The following ZNF486 variants were observed in gnomAD, a reference collection of about 807,000 sequenced individuals.
ZNF486 encodes zinc finger protein 486.
ZNF486 carries 12 observed loss-of-function variants against 12.8 expected under a neutral mutation model. The ratio of observed to expected loss-of-function variants is 0.94; its 90% CI spans 0.60 to 1.52. The LOEUF (loss-of-function observed/expected upper bound fraction) is 1.52, where lower values mean the gene tolerates loss of function less well. Ranked by LOEUF, ZNF486 falls within the 40% of genes most tolerant of loss-of-function variation. The pLI, the probability that ZNF486 is intolerant of heterozygous loss-of-function variation, is 0.00. For synonymous variants in ZNF486, 231 were observed against 184.9 expected, an observed-to-expected ratio of 1.25 and a Z score of -2.02; for missense variants, 738 against 545.0, an observed-to-expected ratio of 1.35 and a Z score of -3.53.
At chr19:20,186,175 G>T in intron 3 of ZNF486, 93 bp downstream of exon 3, 1 of 868,060 alleles carries the variant, frequency 1.2e-6, no homozygotes, top group Non-Finnish European at 1.7e-6. Flanking sequence ...GATCTGGGAA[G>T]CTGTGTTCCA....
intron 3 of ZNF486, among the ~76,000 whole-genome samples, chr19:20,191,771 A>G (rs939800198): frequency 4.6e-5 from 7 of 152,310 alleles, no homozygotes; most frequent in African/African-American, 1.7e-4. Context: ...CTCTGTCTCA[A>G]AAACAAAGAA....
In ZNF486 at chr19:20,198,610, C is replaced by T. The variant is rs1555718478; in HGVS notation, c.*508C>T. ...TGATCTTGGCTTACTGTGACCTCTG[C>T]CTCCTGGGTTCAAGCCATTCTCCTG... On this transcript the variant is annotated 3_prime_UTR_variant, in exon 4 of 4. Transcript: ENST00000335117. 2 of 156,634 alleles carry T rather than the reference C, an allele frequency of 1.3e-5. No homozygotes were observed. The allele number at this position is 156,634 out of a possible 1,614,324, so 9.7% of individuals were successfully genotyped here.
Position 20,197,989 on chromosome 19 carries a change from A to G in ZNF486, c.1279A>G (p.Thr427Ala). The stretch of plus-strand genomic sequence containing the variant: ...CTCAAATCTAACTGAACATAAGACA[A>G]CTCATACTGGAGAGAAACCTTACAA... ...TSSNLTEHKT[T>A]HTGEKPYKCK... Residue 427 changes from threonine (T) to alanine (A), a missense_variant, in exon 4 of 4, where the codon ACT (threonine) becomes GCT (alanine). Coordinates refer to ENST00000335117, the MANE Select transcript of ZNF486 (RefSeq NM_052852.4). 6.2e-7 allele frequency: 1 copy of G among 1,613,938 alleles called. No individual in the cohort carries two copies. Among genetic ancestry groups the G allele is most frequent in the Non-Finnish European group, 8.5e-7 (1 of 1,179,894 alleles).
intron 3 of ZNF486, among the ~76,000 whole-genome samples, chr19:20,196,699 A>T (rs183331203): frequency 6.6e-6 from 1 of 150,548 alleles, no homozygotes; most frequent in Admixed American, 6.7e-5. Context: ...AAGTAACAGA[A>T]TTTTCTTTAT....
intron 1 of ZNF486, 95 bp from the exon 2 acceptor site, chr19:20,184,261 T>A (rs888723518): frequency 7.0e-6 from 11 of 1,568,060 alleles, no homozygotes; most frequent in Non-Finnish European, 9.5e-6. Context: ...ATCCTATAAG[T>A]AAGAATCAGT....
intron 3 of ZNF486, among the ~76,000 whole-genome samples, chr19:20,186,479 T>C (rs1441095258): frequency 6.6e-6 from 1 of 152,162 alleles, no homozygotes; most frequent in East Asian, 1.9e-4. Context: ...TGTGTGACAG[T>C]ATTAGTTTTT....
At chr19:20,176,906 T>A (rs1555714913) in intron 1 of ZNF486, 1 of 152,264 alleles carries the variant, frequency 6.6e-6, no homozygotes, top group East Asian at 1.9e-4. Flanking sequence ...CAGTGAGAAC[T>A]TTTGGAGCTA....
rs1568325895 is a variant in ZNF486, at chr19:20,192,066, C to G, written c.254-4898C>G. 2.6e-5 allele frequency among the ~76,000 whole-genome samples: 4 copies of G among 152,158 alleles called. No individual in the cohort carries two copies. The East Asian group carries it at 7.7e-4, about 29-fold the overall frequency. ...ATTCCTGGTAAATTAACTCACTTTA[C>G]CATAATATAATATCATTCTTTGTCT... On this transcript the variant is annotated intron_variant, in intron 3 of 3. Transcript: ENST00000335117.
chr19:20,179,002 C>G (rs2122645320), intron 1 of ZNF486, among the ~76,000 whole-genome samples: 1 of 152,318 alleles, frequency 6.6e-6, no homozygotes, highest in Non-Finnish European at 1.5e-5. Context: ...TCCTGCCATT[C>G]AGGCCCTAAA....
At chr19:20,189,306 G>A (rs2089880133) in intron 3 of ZNF486, among the ~76,000 whole-genome samples, 1 of 152,106 alleles carries the variant, frequency 6.6e-6, no homozygotes, top group Non-Finnish European at 1.5e-5. Context: ...CCTGATCTCA[G>A]GTAATCACCC....
chr19:20,177,349 A>C (rs181059748), intron 1 of ZNF486, among the ~76,000 whole-genome samples: 1 of 152,374 alleles, frequency 6.6e-6, no homozygotes, highest in East Asian at 1.9e-4. Flanking sequence ...AGCTGCTAAA[A>C]TAACTCCTGT....
chr19:20,183,315 A>T (rs1555715851), intron 1 of ZNF486, among the ~76,000 whole-genome samples: 1 of 152,198 alleles, frequency 6.6e-6, no homozygotes, highest in Non-Finnish European at 1.5e-5. Context: ...ATGTTCCATT[A>T]GCTCTATGCA....
rs2089968688 is a variant in ZNF486, at chr19:20,197,299, C to T, written c.589C>T (p.His197Tyr). ...GDKAFNQSST[H>Y]TTHKKIDTGE... ...CAAAGCTTTTAACCAGTCCTCAACC[C>T]ATACTACACATAAAAAAATTGATAC... Residue 197 changes from histidine (H) to tyrosine (Y), a missense_variant, in exon 4 of 4, where the codon CAT (histidine) becomes TAT (tyrosine). Coordinates refer to ENST00000335117, the MANE Select transcript of ZNF486 (RefSeq NM_052852.4). 1 of 1,611,946 alleles carries T rather than the reference C, an allele frequency of 6.2e-7. No homozygotes were observed. The highest frequency in any genetic ancestry group is 1.7e-5 in the Admixed American group (1 of 59,574).
chr19:20,173,988 G>A (rs1408458228), intron 1 of ZNF486, among the ~76,000 whole-genome samples: 1 of 151,924 alleles, frequency 6.6e-6, no homozygotes, highest in Non-Finnish European at 1.5e-5. Flanking sequence ...AGATTATCTA[G>A]AACTTCAGAT....
At chr19:20,195,312 G>A (rs113716473) in intron 3 of ZNF486, among the ~76,000 whole-genome samples, 8,201 of 152,242 alleles carry the variant, frequency 0.054, 291 homozygotes, top group Admixed American at 0.081. Context: ...GGGATTACAG[G>A]CACATGTCAC....
At chr19:20,169,624 A>G (rs879978412) in intron 1 of ZNF486, among the ~76,000 whole-genome samples, 7 of 152,126 alleles carry the variant, frequency 4.6e-5, no homozygotes, top group African/African-American at 1.7e-4. Context: ...CACTTTTTAG[A>G]CTTTTTAAGA....
intron 2 of ZNF486, among the ~76,000 whole-genome samples, chr19:20,184,967 C>A (rs370409410): frequency 6.6e-6 from 1 of 151,984 alleles, no homozygotes; most frequent in Non-Finnish European, 1.5e-5. Flanking sequence ...CAAAATTAGT[C>A]GTTTATGGTG....
chr19:20,184,575 A>T (rs2089821899), intron 2 of ZNF486, 93 bp downstream of exon 2: 2 of 1,359,028 alleles, frequency 1.5e-6, no homozygotes, highest in South Asian at 1.6e-5. Context: ...TCCTTTGCAT[A>T]AAAGAGTTCC....
At chr19:20,189,769 A>C (rs1405113206) in intron 3 of ZNF486, among the ~76,000 whole-genome samples, 3 of 151,204 alleles carry the variant, frequency 2.0e-5, no homozygotes, top group African/African-American at 7.3e-5. Flanking sequence ...TCCATTTTCT[A>C]AGGGATGTTG....
Sources: gnomAD v4.1 joint callset for allele counts (sites outside exome capture counted in the v4.1 genomes callset) on GRCh38, gnomAD v4.1.1 for gene constraint, MANE v1.5 for transcripts, NCBI Gene and HGNC (gene_info 2026-07-23, HGNC 2026-07-21) for gene names.